OTOA: variants seen among roughly 807,000 people sequenced by gnomAD.
The protein encoded by OTOA is otoancorin.
Under a neutral mutation model 110.8 loss-of-function variants are expected in OTOA, and 70 were observed. The ratio of observed to expected loss-of-function variants is 0.63; its 90% CI spans 0.52 to 0.77. The LOEUF (loss-of-function observed/expected upper bound fraction) is 0.77. OTOA is among the 30% of genes least tolerant of loss of function. The pLI, the probability that OTOA is intolerant of heterozygous loss-of-function variation, is 0.00. For missense variants in OTOA, 917 were observed against 1,075.8 expected, an observed-to-expected ratio of 0.85 and a Z score of 2.06; for synonymous variants, 373 against 431.5, an observed-to-expected ratio of 0.86 and a Z score of 1.68.
chr16:21,707,635 T>TTC (rs1297142392), intron 12 of OTOA, among the ~76,000 whole-genome samples: 15 of 113,382 alleles, frequency 1.3e-4, no homozygotes, highest in Non-Finnish European at 2.8e-4. Flanking sequence ...CTTTCTTTCT[T>TTC]TCTTTCTTTC....
intron 6 of OTOA, among the ~76,000 whole-genome samples, chr16:21,684,065 C>A (rs1218000233): frequency 6.6e-6 from 1 of 151,354 alleles, no homozygotes; most frequent in African/African-American, 2.4e-5. Context: ...CCTTGCCTGG[C>A]AAACAATGAG....
Position 21,681,830 on chromosome 16 carries a change from G to A in OTOA, c.267+5G>A, listed in dbSNP as rs1310241377. 6.2e-7 allele frequency: 1 copy of A among 1,611,418 alleles called. No individual in the cohort carries two copies. Among genetic ancestry groups the A allele is most frequent in the Non-Finnish European group, 8.5e-7 (1 of 1,177,504 alleles). On this transcript the variant is annotated splice_donor_5th_base_variant and intron_variant, in intron 6 of 28. Coordinates refer to ENST00000646100, the MANE Select transcript of OTOA (RefSeq NM_144672.4). ...TTCACCATCCCCAGCCTGCAGGTGT[G>A]TACCTGAGACCCATCTATATGTTCC...
At chr16:21,678,207 C>A (rs1966864931) in intron 1 of OTOA, among the ~76,000 whole-genome samples, 1 of 151,944 alleles carries the variant, frequency 6.6e-6, no homozygotes, top group South Asian at 2.1e-4. Flanking sequence ...TTTGACTATA[C>A]CTTTTTGCTG....
intron 17 of OTOA, chr16:21,721,232 TACACAC>T (rs35961471): frequency 0.059 from 21,860 of 369,746 alleles, 161 homozygotes; most frequent in African/African-American, 0.064. Context: ...ACATAATTAT[TACACAC>T]ACACACACAC....
intron 13 of OTOA, among the ~76,000 whole-genome samples, chr16:21,714,359 CTCTT>C (rs201220709): frequency 3.1e-4 from 27 of 85,760 alleles, no homozygotes; most frequent in Middle Eastern, 7.4e-3. Flanking sequence ...CTTTCCTTCT[CTCTT>C]TCTTTCTCTC....
At chr16:21,665,728 G>C (rs1425048086) in intron 1 of OTOA, among the ~76,000 whole-genome samples, 1 of 152,090 alleles carries the variant, frequency 6.6e-6, no homozygotes, top group Non-Finnish European at 1.5e-5. Flanking sequence ...AGAGAAGAAG[G>C]GGAATAGCTG....
Position 21,687,694 on chromosome 16 carries a change from G to A in OTOA, c.635+46G>A, listed in dbSNP as rs377581772. On this transcript the variant is annotated intron_variant, in intron 8 of 28. Transcript: ENST00000646100. ...TTTTTTTTTTTTTTTTTGAGATGGA[G>A]TTTCACTCTGTCGCCCAGGTTGGAG... is the stretch of plus-strand genomic sequence containing the variant. The A allele has an allele frequency of 1.8e-5, 27 of 1,471,508 alleles. 1 individual carries two copies. Among genetic ancestry groups the A allele is most frequent in the East Asian group, 9.8e-5 (4 of 40,910 alleles). 91.2% of individuals were successfully genotyped at this position (1,471,508 alleles called of 1,614,324 possible).
intron 1 of OTOA, among the ~76,000 whole-genome samples, chr16:21,666,425 T>C (rs1966840405): frequency 1.3e-5 from 2 of 152,042 alleles, no homozygotes. Context: ...TCCTAGCATC[T>C]TTGCAAATTT....
intron 6 of OTOA, among the ~76,000 whole-genome samples, chr16:21,685,009 C>T (rs986779991): frequency 6.6e-6 from 1 of 152,070 alleles, no homozygotes; most frequent in African/African-American, 2.4e-5. Context: ...CTCGGCCTCC[C>T]AAAGTGCTGG....
At chr16:21,677,616 G>T (rs1322021865) in intron 1 of OTOA, among the ~76,000 whole-genome samples, 1 of 151,190 alleles carries the variant, frequency 6.6e-6, no homozygotes, top group Admixed American at 6.6e-5. Context: ...TGAGTAGCTG[G>T]GACTACAGGC....
At chr16:21,728,621 G>T (rs192449755) in intron 20 of OTOA, among the ~76,000 whole-genome samples, 190 bp downstream of exon 20, 2 of 149,856 alleles carry the variant, frequency 1.3e-5, no homozygotes, top group South Asian at 4.2e-4. Flanking sequence ...ACGGAGTCTC[G>T]CTCTGTGGCC....
intron 27 of OTOA, among the ~76,000 whole-genome samples, chr16:21,755,554 C>T (rs1490476445): frequency 1.6e-4 from 19 of 122,136 alleles, no homozygotes; most frequent in Non-Finnish European, 2.9e-4. Context: ...CACTCTGTTG[C>T]CCAAGGGAGT....
chr16:21,732,523 A>G (rs1378518519), intron 21 of OTOA, among the ~76,000 whole-genome samples: 5 of 152,054 alleles, frequency 3.3e-5, no homozygotes, highest in Non-Finnish European at 7.4e-5. Context: ...AGCCCATTGT[A>G]TCATTCTTAT....
intron 9 of OTOA, among the ~76,000 whole-genome samples, chr16:21,695,891 A>ATATATATATATATTTTTT (rs569493650): frequency 3.8e-4 from 16 of 41,882 alleles, no homozygotes; most frequent in African/African-American, 1.9e-3. Context: ...ATATATATAT[A>ATATATATATATATTTTTT]TTTTTTTTTT....
chr16:21,713,247 C>T (rs1898414716), intron 13 of OTOA, among the ~76,000 whole-genome samples: 1 of 152,172 alleles, frequency 6.6e-6, no homozygotes, highest in Non-Finnish European at 1.5e-5. Context: ...TAGGGAATTT[C>T]TTCTTGGCAT....
chr16:21,672,465 A>C (rs1966850523), intron 1 of OTOA, among the ~76,000 whole-genome samples: 1 of 152,016 alleles, frequency 6.6e-6, no homozygotes, highest in Non-Finnish European at 1.5e-5. Context: ...TCTACTAAAA[A>C]TACAAAAATT....
chr16:21,752,751 CT>C (rs1454220621), intron 26 of OTOA, among the ~76,000 whole-genome samples: 2 of 97,402 alleles, frequency 2.1e-5, no homozygotes, highest in African/African-American at 8.8e-5. Flanking sequence ...TAATTGGCCC[CT>C]AAGTAGGTTT....
chr16:21,719,598 G>A (rs1371658423), intron 17 of OTOA, 94 bp downstream of exon 17: 6 of 1,173,974 alleles, frequency 5.1e-6, no homozygotes, highest in Non-Finnish European at 7.6e-6. Flanking sequence ...CTTTATGCCA[G>A]AATCATTCAG....
rs1898662406 is a variant in OTOA at position 21,719,485 on chromosome 16, C to A, written c.1787C>A (p.Ala596Asp). Residue 596 changes from alanine (A) to aspartate (D), a missense_variant, in exon 17 of 29, where the codon GCC (alanine) becomes GAC (aspartate). Ala to Asp is a moderately radical substitution (Grantham distance 126, BLOSUM62 -2). Transcript: ENST00000646100. ...TTCCAGGATTTTCAGAACAACTTCG[C>A]CCTGCTTTCACCCTATCAGGTACCG... is the stretch of plus-strand genomic sequence containing the variant. ...AHFQDFQNNFALLSPYQVNCL... is the reference protein window; with the variant it reads ...AHFQDFQNNFDLLSPYQVNCL... 1 of 1,613,948 alleles carries A rather than the reference C, an allele frequency of 6.2e-7. No individual in the cohort carries two copies. The highest frequency in any genetic ancestry group is 8.5e-7 in the Non-Finnish European group (1 of 1,179,962).
Sources: allele counts gnomAD v4.1 joint callset (sites outside exome capture counted in the v4.1 genomes callset), GRCh38; gene constraint gnomAD v4.1.1; transcripts MANE v1.5; gene names NCBI Gene and HGNC (gene_info 2026-07-23, HGNC 2026-07-21).